Variants in TLL1 observed in about 807,000 individuals in gnomAD.
TLL1 encodes the protein tolloid like 1.
Under a neutral mutation model 128.2 loss-of-function variants are expected in TLL1, and 49 were observed. That is an observed-to-expected ratio of 0.38 (90% CI 0.30 to 0.48). The LOEUF (loss-of-function observed/expected upper bound fraction) is 0.48, where lower values mean the gene tolerates loss of function less well. Ranked by LOEUF, TLL1 falls within the 20% of genes least tolerant of loss-of-function variation. The pLI is 0.96. For missense variants in TLL1, 1,123 were observed against 1,242.0 expected, an observed-to-expected ratio of 0.90 and a Z score of 1.44; for synonymous variants, 454 against 418.8, an observed-to-expected ratio of 1.08 and a Z score of -1.03.
At chr4:166,003,592 G>A (rs1737266298) in intron 6 of TLL1, 23 bp downstream of exon 6, 1 of 1,612,148 alleles carries the variant, frequency 6.2e-7, no homozygotes. Flanking sequence ...GAATGTGTTG[G>A]GTTTAAGGCT....
At chr4:165,917,775 C>A (rs999813331) in intron 1 of TLL1, among the ~76,000 whole-genome samples, 2 of 152,078 alleles carry the variant, frequency 1.3e-5, no homozygotes, top group Admixed American at 6.6e-5. Context: ...TTAAATGACT[C>A]TTTTGGCCTT....
intron 18 of TLL1, among the ~76,000 whole-genome samples, 186 bp from the exon 19 acceptor site, chr4:166,090,942 C>G (rs1260313272): frequency 6.7e-6 from 1 of 149,954 alleles, no homozygotes; most frequent in Middle Eastern, 3.3e-3. Flanking sequence ...ACATTGTTTT[C>G]CTCATTGTGT....
intron 1 of TLL1, among the ~76,000 whole-genome samples, chr4:165,922,388 T>A (rs1230713912): frequency 6.6e-6 from 1 of 152,222 alleles, no homozygotes; most frequent in Non-Finnish European, 1.5e-5. Flanking sequence ...TTTGCCATCC[T>A]GTTATTACCC....
At chr4:165,977,839 A>G (rs986329974) in intron 1 of TLL1, among the ~76,000 whole-genome samples, 1 of 152,206 alleles carries the variant, frequency 6.6e-6, no homozygotes, top group Non-Finnish European at 1.5e-5. Context: ...AAACGTAAAT[A>G]CAAATGTCCT....
intron 1 of TLL1, among the ~76,000 whole-genome samples, chr4:165,896,479 C>CTTTTT (rs70955648): frequency 4.9e-5 from 5 of 102,156 alleles, no homozygotes; most frequent in Non-Finnish European, 7.9e-5. Flanking sequence ...AATGGTATTT[C>CTTTTT]TTTTTTTTTT....
intron 9 of TLL1, among the ~76,000 whole-genome samples, chr4:166,033,364 G>T (rs1325561008): frequency 7.0e-6 from 1 of 143,306 alleles, no homozygotes; most frequent in Non-Finnish European, 1.6e-5. Flanking sequence ...AAAAGTTAGT[G>T]GTATGAGAAG....
chr4:166,067,009 A>G (rs1043358431), intron 16 of TLL1, among the ~76,000 whole-genome samples: 1 of 151,792 alleles, frequency 6.6e-6, no homozygotes, highest in African/African-American at 2.4e-5. Context: ...AAAGCTATCT[A>G]AATATTTATT....
intron 19 of TLL1, among the ~76,000 whole-genome samples, chr4:166,093,097 ATTTCTCATCAGGTGGG>A (rs1741851194): frequency 6.6e-6 from 1 of 152,166 alleles, no homozygotes; most frequent in Non-Finnish European, 1.5e-5. Context: ...ACCTGTGGGT[ATTTCTCATCAGGTGGG>A]ACGAGAGACT....
chr4:165,956,763 G>A (rs1231729131), intron 1 of TLL1, among the ~76,000 whole-genome samples: 1 of 152,044 alleles, frequency 6.6e-6, no homozygotes, highest in Non-Finnish European at 1.5e-5. Context: ...AGTAAAGATA[G>A]GCATAAGAAA....
Position 165,984,003 on chromosome 4 carries a change from G to A in TLL1, c.170-5378G>A, listed in dbSNP as rs375218671. Reference sequence around the variant, plus strand: ...ATGATTTTGTTGATTTTATATGGTAGTGTATGGTAAAAGTGGAAAAGTAGA... The same window carrying A: ...ATGATTTTGTTGATTTTATATGGTAATGTATGGTAAAAGTGGAAAAGTAGA... On this transcript the variant is annotated intron_variant, in intron 1 of 20. Transcript: ENST00000061240. Among the ~76,000 whole-genome samples, 7 of 151,928 alleles carry A rather than the reference G, an allele frequency of 4.6e-5. No individual in the cohort carries two copies. In the East Asian group the frequency reaches 7.7e-4, roughly 17 times the overall value.
At chr4:166,011,558 A>G (rs1452131030) in intron 7 of TLL1, among the ~76,000 whole-genome samples, 1 of 151,482 alleles carries the variant, frequency 6.6e-6, no homozygotes, top group Non-Finnish European at 1.5e-5. Context: ...TTCTGTGTAT[A>G]AGATCAAGTC....
chr4:165,903,807 T>A (rs922442067), intron 1 of TLL1, among the ~76,000 whole-genome samples: 5 of 151,532 alleles, frequency 3.3e-5, no homozygotes, highest in Admixed American at 3.3e-4. Context: ...CACTTGGTGA[T>A]CACAAGAGGT....
chr4:166,078,995 G>C (rs559587837), intron 18 of TLL1, among the ~76,000 whole-genome samples: 2 of 152,268 alleles, frequency 1.3e-5, no homozygotes, highest in Admixed American at 6.5e-5. Context: ...ATCAGAGACA[G>C]TCACCAAGAA....
intron 1 of TLL1, among the ~76,000 whole-genome samples, chr4:165,967,305 C>A (rs1735434014): frequency 6.6e-6 from 1 of 152,102 alleles, no homozygotes; most frequent in South Asian, 2.1e-4. Context: ...ATAACACAAT[C>A]ATCACAGGAT....
Position 166,039,359 on chromosome 4 carries a change from G to A in TLL1, c.1179G>A (p.Thr393=). The change falls in exon 10 of 21, where the codon ACG becomes ACA. Residue 393 remains threonine (T), a synonymous_variant. Transcript: ENST00000061240. The stretch of plus-strand genomic sequence containing the variant: ...TGCAGATTGTTTTAAATTTTACAAC[G>A]ATGGATCTATACAAGAGTAGTTTGT... ...PGEKIVLNFT[T]MDLYKSSLCW... 1.2e-6 allele frequency: 2 copies of A among 1,613,156 alleles called. No homozygotes were observed. The highest frequency in any genetic ancestry group is 1.7e-6 in the Non-Finnish European group (2 of 1,179,434).
intron 1 of TLL1, among the ~76,000 whole-genome samples, chr4:165,906,688 G>C (rs567723573): frequency 2.0e-5 from 3 of 152,084 alleles, no homozygotes; most frequent in African/African-American, 4.8e-5. Context: ...ATCCATGAAA[G>C]AATTGTGAGT....
intron 6 of TLL1, 112 bp downstream of exon 6, chr4:166,003,681 A>G: frequency 9.1e-7 from 1 of 1,096,394 alleles, no homozygotes; most frequent in Admixed American, 1.9e-5. Context: ...TTTTGATATG[A>G]TAGAGTAACA....
At chr4:166,031,128 A>T (rs1320669972) in intron 9 of TLL1, among the ~76,000 whole-genome samples, 1 of 152,092 alleles carries the variant, frequency 6.6e-6, no homozygotes, top group African/African-American at 2.4e-5. Context: ...GTTTTCCCAA[A>T]TTCTTGGATA....
Position 165,999,640 on chromosome 4 carries a change from ATTTT to A in TLL1, c.633-3740_633-3737del, listed in dbSNP as rs34111701. On this transcript the variant is annotated intron_variant, in intron 5 of 20. Coordinates refer to ENST00000061240, the MANE Select transcript of TLL1 (RefSeq NM_012464.5). ...GCCACAAAGTCCAGCTAATTTTTGT[ATTTT>A]TTTTTTTTTTGTAAAAATGAGGTTT... 2.3e-3 allele frequency among the ~76,000 whole-genome samples: 340 copies of A among 145,450 alleles called. 2 individuals are homozygous for A. The highest frequency in any genetic ancestry group is 8.1e-3 in the African/African-American group (320 of 39,682).
Sources: gnomAD v4.1 joint callset for allele counts (sites outside exome capture counted in the v4.1 genomes callset) on GRCh38, gnomAD v4.1.1 for gene constraint, MANE v1.5 for transcripts, NCBI Gene and HGNC (gene_info 2026-07-23, HGNC 2026-07-21) for gene names.